ANXA8: variants seen among roughly 807,000 people sequenced by gnomAD.
ANXA8 encodes the protein VAC-beta.
A neutral mutation model predicts 26.8 loss-of-function variants in ANXA8; 9 were observed. The observed-to-expected ratio is 0.34, with a 90% CI of 0.20 to 0.59. ANXA8 has a LOEUF of 0.59. ANXA8 is among the 20% of genes least tolerant of loss of function. The pLI, the probability that ANXA8 is intolerant of heterozygous loss-of-function variation, is 0.84. For synonymous variants in ANXA8, 39 were observed against 94.8 expected (o/e 0.41, Z 3.42); for missense variants, 83 against 238.5 (o/e 0.35, Z 4.29).
At chr10:47,594,887 G>C in the ANXA8 span, among the ~76,000 whole-genome samples, 1 of 149,086 alleles carries the variant, frequency 6.7e-6, no homozygotes, top group Non-Finnish European at 1.5e-5. Flanking sequence ...TAGAGATGTT[G>C]ACATGCATAC....
At chr10:47,639,314 A>AT in the ANXA8 span, among the ~76,000 whole-genome samples, 2,401 of 75,088 alleles carry the variant, frequency 0.032, 17 homozygotes, top group Middle Eastern at 0.081. Context: ...TATTATTATT[A>AT]TTTTTTTTTT....
the ANXA8 span, among the ~76,000 whole-genome samples, chr10:47,970,843 G>C: frequency 6.6e-6 from 1 of 151,316 alleles, no homozygotes; most frequent in South Asian, 2.1e-4. Flanking sequence ...GCGAAGGCTG[G>C]GTTTGCTGAG....
At chr10:47,665,972 T>C in the ANXA8 span, among the ~76,000 whole-genome samples, 8,624 of 150,874 alleles carry the variant, frequency 0.057, 672 homozygotes, top group African/African-American at 0.2. Flanking sequence ...GGTAGAAAGT[T>C]TTCACTCTTA....
At chr10:47,682,940 T>A in the ANXA8 span, among the ~76,000 whole-genome samples, 1 of 152,228 alleles carries the variant, frequency 6.6e-6, no homozygotes, top group Non-Finnish European at 1.5e-5. Flanking sequence ...GCCTAAGGCA[T>A]CTCAGTTGTT....
At chr10:47,777,902 A>G in the ANXA8 span, among the ~76,000 whole-genome samples, 1 of 151,688 alleles carries the variant, frequency 6.6e-6, no homozygotes, top group Non-Finnish European at 1.5e-5. Flanking sequence ...CTACAGGCAC[A>G]TGCCACCACA....
chr10:47,498,195 G>A, the ANXA8 span, among the ~76,000 whole-genome samples: 9 of 147,206 alleles, frequency 6.1e-5, no homozygotes, highest in Admixed American at 4.0e-4. Flanking sequence ...TCTACCTTCT[G>A]TTTCTATTAG....
the ANXA8 span, among the ~76,000 whole-genome samples, chr10:47,755,262 T>TC: frequency 6.9e-6 from 1 of 145,668 alleles, no homozygotes; most frequent in Non-Finnish European, 1.5e-5. Flanking sequence ...GCCAACCTCT[T>TC]TTTTTTTTTT....
At chr10:47,702,225 C>T in the ANXA8 span, among the ~76,000 whole-genome samples, 4 of 150,702 alleles carry the variant, frequency 2.7e-5, no homozygotes, top group Non-Finnish European at 4.4e-5. Context: ...AGTACACATA[C>T]ATAAACATCT....
the ANXA8 span, chr10:47,565,175 G>C: frequency 2.3e-5 from 16 of 707,862 alleles, no homozygotes; most frequent in Admixed American, 2.4e-4. Flanking sequence ...GCTGGCCGCC[G>C]TGCAGGGCGA....
chr10:47,619,116 T>C, the ANXA8 span, among the ~76,000 whole-genome samples: 14 of 113,454 alleles, frequency 1.2e-4, 2 homozygotes, highest in East Asian at 1.1e-3. Flanking sequence ...CTGAGACTTA[T>C]ACAGGTATGA....
chr10:47,560,679 T>G, the ANXA8 span, among the ~76,000 whole-genome samples: 5 of 152,054 alleles, frequency 3.3e-5, no homozygotes, highest in Non-Finnish European at 5.9e-5. Flanking sequence ...CACCCCTCCA[T>G]GCAAGCGGAT....
the ANXA8 span, among the ~76,000 whole-genome samples, chr10:47,703,025 T>C: frequency 1.3e-5 from 2 of 149,790 alleles, no homozygotes; most frequent in Non-Finnish European, 3.0e-5. Flanking sequence ...CCTGGAAGTC[T>C]AGTGGTGCCA....
the ANXA8 span, among the ~76,000 whole-genome samples, chr10:47,525,638 GATT>G: frequency 9.7e-5 from 13 of 134,316 alleles, no homozygotes; most frequent in South Asian, 2.4e-4. Flanking sequence ...TGACATTGTA[GATT>G]ATTATTATTA....
chr10:47,762,896 G>C, the ANXA8 span: 12 of 1,427,008 alleles, frequency 8.4e-6, no homozygotes, highest in African/African-American at 4.5e-5. Context: ...AGAGCCGACC[G>C]TGAGCTCCCG....
the ANXA8 span, among the ~76,000 whole-genome samples, chr10:47,949,494 G>C: frequency 6.7e-6 from 1 of 150,024 alleles, no homozygotes. Context: ...AAGTATGTGG[G>C]TAAATACAAA....
the ANXA8 span, among the ~76,000 whole-genome samples, chr10:47,643,540 C>A: frequency 5.4e-5 from 8 of 149,004 alleles, no homozygotes; most frequent in African/African-American, 2.1e-4. Flanking sequence ...ATCAATCAAT[C>A]AATCAATCAA....
At chr10:47,651,660 C>G in the ANXA8 span, among the ~76,000 whole-genome samples, 2 of 149,948 alleles carry the variant, frequency 1.3e-5, no homozygotes, top group East Asian at 2.0e-4. Context: ...TTTGGAAGGC[C>G]GAGGCAGGTG....
chr10:47,669,592 G>T, the ANXA8 span, among the ~76,000 whole-genome samples: 1 of 151,684 alleles, frequency 6.6e-6, no homozygotes, highest in Admixed American at 6.6e-5. Context: ...GTGCACGCCT[G>T]TGGTCCCAGC....
the ANXA8 span, among the ~76,000 whole-genome samples, chr10:47,756,393 A>G: frequency 2.5e-5 from 3 of 119,718 alleles, no homozygotes; most frequent in East Asian, 2.5e-4. Flanking sequence ...TGAGGAGTGC[A>G]CTGCCCTGCG....
Sources: gnomAD v4.1 joint callset for allele counts (sites outside exome capture counted in the v4.1 genomes callset) on GRCh38, gnomAD v4.1.1 for gene constraint, MANE v1.5 for transcripts, NCBI Gene and HGNC (gene_info 2026-07-23, HGNC 2026-07-21) for gene names.